The following ABITRAM variants were observed in gnomAD, a reference collection of about 807,000 sequenced individuals.
ABITRAM encodes the protein actin binding transcription modulator.
Under a neutral mutation model 22.9 loss-of-function variants are expected in ABITRAM, and 19 were observed. The ratio of observed to expected loss-of-function variants is 0.83; its 90% CI spans 0.58 to 1.22. The LOEUF is 1.22. Ranked by LOEUF, ABITRAM falls within the 50% of genes most tolerant of loss-of-function variation. The pLI is 0.00. For missense variants in ABITRAM, 215 were observed against 220.2 expected, an observed-to-expected ratio of 0.98 and a Z score of 0.15; for synonymous variants, 70 against 73.9, an observed-to-expected ratio of 0.95 and a Z score of 0.27.
chr9:108,942,943 A>C (rs192684778), downstream of ABITRAM: 3 of 1,610,944 alleles, frequency 1.9e-6, no homozygotes, highest in African/African-American at 2.7e-5. Flanking sequence ...TGAGTCTAAA[A>C]TAGAAAAACT....
chr9:108,936,777 T>G (rs972490521), intron 3 of ABITRAM, among the ~76,000 whole-genome samples: 1 of 152,088 alleles, frequency 6.6e-6, no homozygotes, highest in Non-Finnish European at 1.5e-5. Context: ...TGTCGAGTTC[T>G]GTAAAATTTA....
At position 108,939,878 on chromosome 9, in the gene ABITRAM, TG is replaced by T; in HGVS notation, c.*193del. On this transcript the variant is annotated 3_prime_UTR_variant, in exon 6 of 6. Coordinates refer to ENST00000322940, the MANE Select transcript of ABITRAM (RefSeq NM_017832.4). ...CCTTGGTTCCCATTTGTCTACAGCC[TG>T]CCAGATCTGGCCTGCCCATGTACTC... The T allele has an allele frequency of 5.0e-6, 3 of 604,382 alleles. No individual in the cohort carries two copies. Among genetic ancestry groups the T allele is most frequent in the Non-Finnish European group, 8.3e-6 (3 of 360,784 alleles). 37.4% of individuals were successfully genotyped at this position (604,382 alleles called of 1,614,324 possible). A position where few individuals can be genotyped will look rare whatever the true frequency, so the allele number is the denominator to read the frequency against.
rs1830538410 is a variant in ABITRAM at position 108,950,723 on chromosome 9, TA to T, written c.*133del. Reference sequence around the variant, plus strand: ...AGTCTTTCTGGTGACTTTGCAAAAATAAATTGAACACATTAACCCTTTCTTT... The same window carrying T: ...AGTCTTTCTGGTGACTTTGCAAAAATAATTGAACACATTAACCCTTTCTTT... On this transcript the variant is annotated 3_prime_UTR_variant, in exon 4 of 4. Coordinates refer to the ABITRAM transcript ENST00000374624. The T allele has an allele frequency of 3.3e-6, 4 of 1,230,690 alleles. No individual in the cohort carries two copies. The South Asian group carries it at 6.3e-5, about 19-fold the overall frequency. The allele number at this position is 1,230,690 out of a possible 1,614,324, so 76.2% of individuals were successfully genotyped here. A position where few individuals can be genotyped will look rare whatever the true frequency, so the allele number is the denominator to read the frequency against.
At chr9:108,943,739 T>TA, downstream of ABITRAM, 1 of 1,613,446 alleles carries the variant, frequency 6.2e-7, no homozygotes, top group Non-Finnish European at 8.5e-7. Context: ...AAGTCTTAGT[T>TA]ACTGTCTGGA....
At chr9:108,948,916 A>ACATATCATTCCTGT (rs1358335324) in intron 3 of ABITRAM, among the ~76,000 whole-genome samples, 1 of 152,336 alleles carries the variant, frequency 6.6e-6, no homozygotes, top group East Asian at 1.9e-4. Flanking sequence ...GGAGATGTGA[A>ACATATCATTCCTGT]CATATCATTC....
At chr9:108,942,577 T>C (rs1830272577), downstream of ABITRAM, 5 of 569,174 alleles carry the variant, frequency 8.8e-6, no homozygotes, top group South Asian at 1.2e-4. Flanking sequence ...AATTAGAATC[T>C]AGCAATTACC....
downstream of ABITRAM, chr9:108,942,860 T>C: frequency 6.2e-7 from 1 of 1,613,020 alleles, no homozygotes; most frequent in Non-Finnish European, 8.5e-7. Flanking sequence ...ACAATTAGTA[T>C]CTGGTTTCAC....
In ABITRAM at chr9:108,939,564, T is replaced by C; in HGVS notation, c.424T>C (p.Tyr142His). 1 of 1,614,072 alleles carries C rather than the reference T, an allele frequency of 6.2e-7. No homozygotes were observed. Among genetic ancestry groups the C allele is most frequent in the East Asian group, 2.2e-5 (1 of 44,880 alleles). The change falls in exon 6 of 6, where the codon TAC becomes CAC. Residue 142 changes from tyrosine to histidine, a missense_variant. Coordinates refer to ENST00000322940, the MANE Select transcript of ABITRAM (RefSeq NM_017832.4). Reference sequence around the variant, plus strand: ...TCCTTTCCAGCCATCTACTGAAGGCTACATTGCAGTTGTGTTACCCAAATT... The same window carrying C: ...TCCTTTCCAGCCATCTACTGAAGGCCACATTGCAGTTGTGTTACCCAAATT... ...ILQEKPSTEG[Y>H]IAVVLPKFEE...
At chr9:108,936,151 A>C (rs1039533254) in intron 2 of ABITRAM, 157 bp from the exon 3 acceptor site, 3 of 717,054 alleles carry the variant, frequency 4.2e-6, no homozygotes, top group South Asian at 2.0e-5. Context: ...TGTATTCTCT[A>C]TTCTACAGTT....
At chr9:108,950,375 A>G (rs1489966531) in intron 3 of ABITRAM, 1 of 969,948 alleles carries the variant, frequency 1.0e-6, no homozygotes, top group Non-Finnish European at 1.5e-6. Context: ...TGCTAACAAC[A>G]GTTAAGAACA....
chr9:108,934,623 C>T (rs945007549), intron 1 of ABITRAM, 58 bp downstream of exon 1: 2 of 1,486,778 alleles, frequency 1.3e-6, no homozygotes, highest in East Asian at 5.3e-5. Flanking sequence ...GCTGTGTAGA[C>T]TATGTTGACA....
At chr9:108,937,127 T>C (rs938624969) in intron 3 of ABITRAM, among the ~76,000 whole-genome samples, 1 of 152,138 alleles carries the variant, frequency 6.6e-6, no homozygotes, top group Non-Finnish European at 1.5e-5. Flanking sequence ...ACCACTGCAC[T>C]CCAGCCTGAG....
intron 2 of ABITRAM, 137 bp downstream of exon 2, chr9:108,935,826 G>A (rs969133205): frequency 6.4e-6 from 4 of 629,634 alleles, no homozygotes; most frequent in Non-Finnish European, 8.3e-6. Flanking sequence ...GTGTTGAAAT[G>A]GTATTATTAT....
rs367971271 is a variant in ABITRAM, at chr9:108,936,284, A to G, written c.132-24A>G. The G allele has an allele frequency of 3.5e-5, 56 of 1,607,072 alleles. No individual in the cohort carries two copies. In the African/African-American group the frequency reaches 6.6e-4, roughly 19 times the overall value. ...GAAAAATTATTCCAAGCAATCACAC[A>G]GGATCAACTTTTTCTCCTTGTAGAA... is the stretch of plus-strand genomic sequence containing the variant. On this transcript the variant is annotated intron_variant, in intron 2 of 5. Transcript: ENST00000322940.
intron 1 of ABITRAM, among the ~76,000 whole-genome samples, chr9:108,935,326 G>A (rs1234943316): frequency 6.6e-6 from 1 of 152,148 alleles, no homozygotes; most frequent in East Asian, 1.9e-4. Flanking sequence ...ATATCATAAA[G>A]AACGGGATGC....
chr9:108,936,226 C>G (rs1830185509), intron 2 of ABITRAM, 82 bp from the exon 3 acceptor site: 1 of 1,478,600 alleles, frequency 6.8e-7, no homozygotes, highest in African/African-American at 1.4e-5. Context: ...AATACCAGTT[C>G]ATACATTCTT....
downstream of ABITRAM, chr9:108,942,727 C>T (rs1257135420): frequency 1.7e-6 from 2 of 1,211,716 alleles, no homozygotes; most frequent in African/African-American, 3.0e-5. Context: ...AAAATGTCAG[C>T]TTCATCACAT....
At chr9:108,943,892 T>G (rs1830321158), downstream of ABITRAM, 1 of 1,598,480 alleles carries the variant, frequency 6.3e-7, no homozygotes, top group Non-Finnish European at 8.6e-7. Context: ...ATTTATACAT[T>G]GATATTATAC....
At chr9:108,945,453 G>T, downstream of ABITRAM, among the ~76,000 whole-genome samples, 1 of 149,344 alleles carries the variant, frequency 6.7e-6, no homozygotes, top group African/African-American at 2.5e-5. Context: ...ATATTTTATT[G>T]GTTTTCTTCC....
Sources: gnomAD v4.1 joint callset for allele counts (sites outside exome capture counted in the v4.1 genomes callset) on GRCh38, gnomAD v4.1.1 for gene constraint, MANE v1.5 for transcripts, NCBI Gene and HGNC (gene_info 2026-07-23, HGNC 2026-07-21) for gene names.